Variants in GRIP2 observed in about 807,000 individuals in gnomAD.
The protein encoded by GRIP2 is glutamate receptor interacting protein 2, also known as glutamate receptor-interacting protein 2.
Under a neutral mutation model 108.3 loss-of-function variants are expected in GRIP2, and 58 were observed. The ratio of observed to expected loss-of-function variants is 0.54; its 90% CI spans 0.43 to 0.67. The LOEUF is 0.67. Ranked by LOEUF, GRIP2 falls within the 30% of genes least tolerant of loss-of-function variation. The pLI, the probability that GRIP2 is intolerant of heterozygous loss-of-function variation, is 0.00. For synonymous variants in GRIP2, 586 were observed against 598.2 expected (o/e 0.98, Z 0.30); for missense variants, 1,278 against 1,430.6 (o/e 0.89, Z 1.72).
chr3:14,521,950 G>T lies in GRIP2; in HGVS notation c.567-163C>A. 1 of 623,608 alleles carries T rather than the reference G, an allele frequency of 1.6e-6. No individual in the cohort carries two copies. Among genetic ancestry groups the T allele is most frequent in the Non-Finnish European group, 2.7e-6 (1 of 376,426 alleles). The allele number at this position is 623,608 out of a possible 1,614,324, so 38.6% of individuals were successfully genotyped here. On this transcript the variant is annotated intron_variant, in intron 6 of 23. Transcript: ENST00000621039. This position sits in a 1 kb window ranked among gnomAD's most constrained non-coding sequence, Gnocchi z 5.1. ...TGAAGGGGCGCATGAGTGAGTGAAG[G>T]AATGAGCCACTCCAGGAGTGGGGAG...
At chr3:14,594,830 T>C in the GRIP2 span, among the ~76,000 whole-genome samples, 1 of 152,240 alleles carries the variant, frequency 6.6e-6, no homozygotes, top group Non-Finnish European at 1.5e-5. Flanking sequence ...ACAGGGTTGT[T>C]ATGAAAATTA....
At chr3:14,513,905 A>C in intron 12 of GRIP2, 95 bp from the exon 13 acceptor site, 1 of 1,407,304 alleles carries the variant, frequency 7.1e-7, no homozygotes, top group Non-Finnish European at 9.6e-7. Context: ...CCTGGGTCAC[A>C]CCTCCTGGTC....
chr3:14,536,828 G>A (rs1694846643), intron 1 of GRIP2, among the ~76,000 whole-genome samples: 1 of 152,204 alleles, frequency 6.6e-6, no homozygotes, highest in Non-Finnish European at 1.5e-5. Context: ...CAAGAAGACT[G>A]TGTCTAGCTC....
chr3:14,517,981 A>T (rs1174096172), intron 9 of GRIP2, 84 bp from the exon 10 acceptor site: 1 of 1,423,070 alleles, frequency 7.0e-7, no homozygotes, highest in Non-Finnish European at 9.3e-7. Flanking sequence ...AAGAACCAGA[A>T]GATCCTCGTG....
the GRIP2 span, chr3:14,574,236 C>G: frequency 4.2e-5 from 37 of 875,178 alleles, no homozygotes; most frequent in Middle Eastern, 1.7e-3. Flanking sequence ...CTCGATCTGT[C>G]GCTTGACGAA....
At chr3:14,555,756 C>T in intron 1 of GRIP2, 1 of 398,674 alleles carries the variant, frequency 2.5e-6, no homozygotes, top group East Asian at 3.6e-5. Flanking sequence ...GGGACAGAGA[C>T]ACGGAGGGAG....
At chr3:14,562,711 ATGAGGCAGACGGTCCTCGGACTCC>A in the GRIP2 span, among the ~76,000 whole-genome samples, 18 of 149,694 alleles carry the variant, frequency 1.2e-4, no homozygotes, top group Non-Finnish European at 2.5e-4. Context: ...TGACAGAGGG[ATGAGGCAGACGGTCCTCGGACTCC>A]CGAGGCAGAC....
At position 14,491,905 on chromosome 3, in the gene GRIP2, G is replaced by A. The variant is rs1701345512; in HGVS notation, c.*1760C>T. Reference sequence around the variant, plus strand: ...GGTAGACAGTGCCCTTTCACTCTGGGCTGAGTACACGGGAATCCAAGATAG... The same window carrying A: ...GGTAGACAGTGCCCTTTCACTCTGGACTGAGTACACGGGAATCCAAGATAG... On this transcript the variant is annotated 3_prime_UTR_variant, in exon 24 of 24. Transcript: ENST00000621039. 1 of 152,440 alleles carries A rather than the reference G, an allele frequency of 6.6e-6. No homozygotes were observed. The highest frequency in any genetic ancestry group is 1.5e-5 in the Non-Finnish European group (1 of 68,112). 9.4% of individuals were successfully genotyped at this position (152,440 alleles called of 1,614,324 possible).
chr3:14,524,587 C>A, intron 3 of GRIP2, 49 bp from the exon 4 acceptor site: 3 of 1,525,846 alleles, frequency 2.0e-6, no homozygotes, highest in Non-Finnish European at 2.7e-6. Flanking sequence ...CTGGCCCATG[C>A]AGTCCTGGCA....
At chr3:14,525,989 C>T in intron 1 of GRIP2, 58 bp from the exon 2 acceptor site, 1 of 1,449,424 alleles carries the variant, frequency 6.9e-7, no homozygotes, top group Non-Finnish European at 9.5e-7. Context: ...TCCTGCAGAC[C>T]TCTTCTGCTT....
the GRIP2 span, among the ~76,000 whole-genome samples, chr3:14,564,631 T>G: frequency 1.3e-5 from 2 of 152,138 alleles, no homozygotes; most frequent in African/African-American, 4.8e-5. Flanking sequence ...GGACCTGACT[T>G]AAAATTATGT....
the GRIP2 span, among the ~76,000 whole-genome samples, chr3:14,598,016 G>A: frequency 1.3e-5 from 2 of 152,186 alleles, no homozygotes; most frequent in Non-Finnish European, 2.9e-5. Context: ...TTAAGGCAAT[G>A]AGCAGATGTT....
At chr3:14,526,294 C>T (rs1450596920) in intron 1 of GRIP2, among the ~76,000 whole-genome samples, 2 of 152,218 alleles carry the variant, frequency 1.3e-5, no homozygotes, top group Non-Finnish European at 2.9e-5. Flanking sequence ...TGCCCATTGT[C>T]ACACAGCTGG....
upstream of GRIP2, chr3:14,540,509 C>A: frequency 8.1e-7 from 1 of 1,238,740 alleles, no homozygotes; most frequent in Non-Finnish European, 1.1e-6. This position sits in a 1 kb window ranked among gnomAD's most constrained non-coding sequence, Gnocchi z 4.1. Flanking sequence ...GGACAGGGTC[C>A]AACATGCCCC....
Position 14,533,768 on chromosome 3 carries a change from C to A in GRIP2, c.40+6501G>T, listed in dbSNP as rs193059939. ...GGTTACAGTGACAGCTTAGGGACAG[C>A]GGAGGTGCCGGAGTCTGCTGGTCTC... On this transcript the variant is annotated intron_variant, in intron 1 of 23. Coordinates refer to ENST00000621039, the MANE Select transcript of GRIP2 (RefSeq NM_001080423.4). Among the ~76,000 whole-genome samples the A allele has an allele frequency of 2.7e-3, 409 of 152,256 alleles. 1 individual carries two copies. The highest frequency in any genetic ancestry group is 8.9e-3 in the African/African-American group (368 of 41,556).
At chr3:14,513,614 AG>A in intron 13 of GRIP2, 50 bp downstream of exon 13, 1 of 1,559,144 alleles carries the variant, frequency 6.4e-7, no homozygotes, top group South Asian at 1.2e-5. Context: ...TAAAGAGAGG[AG>A]GGGTGCAGGG....
the GRIP2 span, chr3:14,574,265 G>A: frequency 1.1e-6 from 1 of 892,598 alleles, no homozygotes; most frequent in Non-Finnish European, 1.9e-6. Context: ...TGTGCTTGTG[G>A]TAGGTGTGGT....
At chr3:14,577,909 C>T in the GRIP2 span, among the ~76,000 whole-genome samples, 8 of 152,240 alleles carry the variant, frequency 5.3e-5, no homozygotes, top group African/African-American at 1.7e-4. Flanking sequence ...ACCCTCTCAG[C>T]TCTGGTTTCA....
rs775465643 is a variant in GRIP2, at chr3:14,511,245, G to T, written c.1853C>A (p.Pro618His). 1 of 1,613,984 alleles carries T rather than the reference G, an allele frequency of 6.2e-7. No individual in the cohort carries two copies. Among genetic ancestry groups the T allele is most frequent in the Non-Finnish European group, 8.5e-7 (1 of 1,179,894 alleles). The change falls in exon 16 of 24, where the codon CCC (proline) becomes CAC (histidine). Residue 618 changes from proline (P) to histidine (H), a missense_variant. By Grantham distance (77) the Pro-to-His change is moderately conservative (BLOSUM62 -2). Coordinates refer to ENST00000621039, the MANE Select transcript of GRIP2 (RefSeq NM_001080423.4). This position sits in a 1 kb window ranked among gnomAD's most constrained non-coding sequence, Gnocchi z 4.1. ...AIDNIRLDNC[P>H]MEDAVQILRQ... The stretch of plus-strand genomic sequence containing the variant: ...CAGGATTTGCACGGCGTCCTCCATG[G>T]GGCAGTTGTCCAGGCGGATATTGTC...
Sources: gnomAD v4.1 joint callset for allele counts (sites outside exome capture counted in the v4.1 genomes callset) on GRCh38, gnomAD v4.1.1 for gene constraint, Gnocchi (gnomAD v3.1) non-coding constraint, MANE v1.5 for transcripts, NCBI Gene and HGNC (gene_info 2026-07-23, HGNC 2026-07-21) for gene names.